MYT1L: variants seen among roughly 807,000 people sequenced by gnomAD.
The protein encoded by MYT1L is myelin transcription factor 1-like protein.
In MYT1L, 12 loss-of-function variants were observed where a neutral mutation model predicts 126.7. That is an observed-to-expected ratio of 0.09 (90% CI 0.06 to 0.15). MYT1L has a LOEUF of 0.15. MYT1L is among the 10% of genes least tolerant of loss of function. MYT1L has a pLI of 1.00. For synonymous variants in MYT1L, 541 were observed against 604.2 expected (o/e 0.90, Z 1.53); for missense variants, 979 against 1,585.2 (o/e 0.62, Z 6.49).
chr2:2,307,418 G>T (rs908419747), intron 1 of MYT1L, among the ~76,000 whole-genome samples: 1 of 152,092 alleles, frequency 6.6e-6, no homozygotes, highest in African/African-American at 2.4e-5. Context: ...AGTAATGATG[G>T]AAGAAATGGC....
At chr2:2,301,116 A>G (rs1411887930) in intron 1 of MYT1L, among the ~76,000 whole-genome samples, 1 of 152,024 alleles carries the variant, frequency 6.6e-6, no homozygotes, top group East Asian at 1.9e-4. Context: ...ACATTAATCC[A>G]AAGAGTGTTC....
intron 1 of MYT1L, among the ~76,000 whole-genome samples, chr2:2,295,838 G>A (rs1029597624): frequency 2.1e-4 from 32 of 149,874 alleles, no homozygotes; most frequent in Non-Finnish European, 4.0e-4. Flanking sequence ...CAGAGAGAGA[G>A]GGGACGGGAG....
intron 4 of MYT1L, among the ~76,000 whole-genome samples, chr2:2,037,633 G>A (rs1558813274): frequency 6.6e-6 from 1 of 151,836 alleles, no homozygotes; most frequent in South Asian, 2.1e-4. Context: ...GTGCATGCCT[G>A]TAATCTCAGC....
chr2:2,214,853 A>C (rs2093633839), intron 2 of MYT1L, among the ~76,000 whole-genome samples: 1 of 152,188 alleles, frequency 6.6e-6, no homozygotes, highest in South Asian at 2.1e-4. Flanking sequence ...CTTTAAAATT[A>C]AGCAATAGTT....
intron 1 of MYT1L, among the ~76,000 whole-genome samples, chr2:2,294,194 G>C (rs915358428): frequency 2.0e-5 from 3 of 152,214 alleles, no homozygotes; most frequent in Non-Finnish European, 4.4e-5. Flanking sequence ...ACAGGTGACG[G>C]TTAGCGACTC....
At chr2:2,167,626 G>A (rs1019940640) in intron 3 of MYT1L, among the ~76,000 whole-genome samples, 13 of 152,094 alleles carry the variant, frequency 8.5e-5, no homozygotes, top group African/African-American at 2.9e-4. Context: ...CCAAACCTCT[G>A]GCCTTTCCTG....
At chr2:2,014,233 C>T (rs2064137778) in intron 4 of MYT1L, among the ~76,000 whole-genome samples, 1 of 149,962 alleles carries the variant, frequency 6.7e-6, no homozygotes, top group South Asian at 2.1e-4. Flanking sequence ...GAGAGAGTTC[C>T]ACTGCCTCTA....
At chr2:1,888,223 G>A (rs2048390108) in intron 16 of MYT1L, among the ~76,000 whole-genome samples, 1 of 152,126 alleles carries the variant, frequency 6.6e-6, no homozygotes, top group Non-Finnish European at 1.5e-5. Context: ...GATGATCCAG[G>A]ATGAAAACAC....
chr2:2,183,365 C>T (rs530407444), intron 2 of MYT1L, among the ~76,000 whole-genome samples: 2 of 152,098 alleles, frequency 1.3e-5, no homozygotes, highest in African/African-American at 4.8e-5. Flanking sequence ...AATAAGTTCC[C>T]ACGGGAGGGG....
rs369933785 is a variant in MYT1L, at chr2:1,889,301, G to C, written c.2460C>G (p.Pro820=). 3 of 1,613,846 alleles carry C rather than the reference G, an allele frequency of 1.9e-6. No homozygotes were observed. In the East Asian group the frequency reaches 6.7e-5, roughly 36 times the overall value. ...QLGEGDCWDL[P]VDYTKMKPRR... Reference sequence around the variant, plus strand: ...GGGGTTTCATTTTGGTGTAGTCTACGGGCAAGTCCCAGCAGTCGCCCTCGC... The same window carrying C: ...GGGGTTTCATTTTGGTGTAGTCTACCGGCAAGTCCCAGCAGTCGCCCTCGC... The change falls in exon 16 of 25, where the codon CCC becomes CCG. Residue 820 remains proline, a synonymous_variant. Transcript: ENST00000647738. The surrounding 1 kb of genome is among the most constrained non-coding windows in gnomAD (Gnocchi z 4.1).
chr2:2,267,944 G>A (rs999793982), intron 2 of MYT1L, among the ~76,000 whole-genome samples: 1 of 151,906 alleles, frequency 6.6e-6, no homozygotes, highest in South Asian at 2.1e-4. Flanking sequence ...TTAAGGTCAC[G>A]CATCCAATAC....
chr2:1,864,687 A>G (rs1420578979), intron 18 of MYT1L, among the ~76,000 whole-genome samples: 1 of 152,172 alleles, frequency 6.6e-6, no homozygotes, highest in Non-Finnish European at 1.5e-5. Context: ...CCCTCCACAC[A>G]TGAAGCTCCC....
At chr2:1,843,735 C>T (rs1406962070) in intron 19 of MYT1L, among the ~76,000 whole-genome samples, 1 of 152,166 alleles carries the variant, frequency 6.6e-6, no homozygotes, top group Non-Finnish European at 1.5e-5. Flanking sequence ...AAGCCGAGCC[C>T]CTGACTCCAC....
chr2:2,106,698 A>T (rs1274881710), intron 3 of MYT1L, among the ~76,000 whole-genome samples: 4 of 152,228 alleles, frequency 2.6e-5, no homozygotes, highest in Non-Finnish European at 5.9e-5. Flanking sequence ...TAACACCATG[A>T]CTTGAACACC....
intron 1 of MYT1L, among the ~76,000 whole-genome samples, chr2:2,290,264 G>A (rs1453057764): frequency 6.6e-6 from 1 of 152,224 alleles, no homozygotes; most frequent in African/African-American, 2.4e-5. Context: ...TGCAAGGAGA[G>A]GGAGCTGGGG....
chr2:1,976,135 A>AAG (rs1231038409), intron 8 of MYT1L, among the ~76,000 whole-genome samples: 1 of 151,812 alleles, frequency 6.6e-6, no homozygotes, highest in African/African-American at 2.4e-5. Flanking sequence ...AAAAAAAAAA[A>AAG]AAAGACATGT....
chr2:1,902,905 A>C, intron 14 of MYT1L, 175 bp downstream of exon 14: 1 of 611,282 alleles, frequency 1.6e-6, no homozygotes, highest in South Asian at 2.0e-5. Flanking sequence ...GCTCACCTAC[A>C]GCTGTGTGGA....
chr2:1,942,230 C>G (rs2056733054), intron 9 of MYT1L, among the ~76,000 whole-genome samples: 1 of 152,166 alleles, frequency 6.6e-6, no homozygotes, highest in African/African-American at 2.4e-5. Flanking sequence ...GAAGAAATGA[C>G]TTCTATGAAA....
chr2:2,095,170 C>A (rs1221767265), intron 3 of MYT1L, among the ~76,000 whole-genome samples: 2 of 152,192 alleles, frequency 1.3e-5, no homozygotes, highest in East Asian at 3.9e-4. Flanking sequence ...GGGGTGCCCC[C>A]AAGTTGTGAC....
Sources: allele counts gnomAD v4.1 joint callset (sites outside exome capture counted in the v4.1 genomes callset), GRCh38; gene constraint gnomAD v4.1.1; non-coding constraint Gnocchi (gnomAD v3.1); transcripts MANE v1.5; gene names NCBI Gene and HGNC (gene_info 2026-07-23, HGNC 2026-07-21).